PAK1IP1: variants seen among roughly 807,000 people sequenced by gnomAD.
The protein encoded by PAK1IP1 is PAK1 interacting protein 1.
Under a neutral mutation model 42.0 loss-of-function variants are expected in PAK1IP1, and 24 were observed. The observed-to-expected ratio is 0.57, with a 90% CI of 0.41 to 0.80. The LOEUF is 0.80. Among genes scored for constraint, PAK1IP1 ranks in the 30% least tolerant of loss-of-function variants. The pLI, the probability that PAK1IP1 is intolerant of heterozygous loss-of-function variation, is 0.00. For synonymous variants in PAK1IP1, 154 were observed against 156.7 expected (o/e 0.98, Z 0.13); for missense variants, 411 against 467.9 (o/e 0.88, Z 1.12).
chr6:10,701,576 T>C (rs952951559), intron 2 of PAK1IP1, among the ~76,000 whole-genome samples: 1 of 152,058 alleles, frequency 6.6e-6, no homozygotes, highest in African/African-American at 2.4e-5. Context: ...AATAGGATAA[T>C]AGGGAGAGGA....
chr6:10,705,711 T>C (rs900705647), intron 7 of PAK1IP1, among the ~76,000 whole-genome samples: 4 of 152,234 alleles, frequency 2.6e-5, no homozygotes, highest in Non-Finnish European at 4.4e-5. Context: ...ATCTGACTCT[T>C]ATATCCCTGC....
Position 10,704,613 on chromosome 6 carries a change from C to G in PAK1IP1, c.603C>G (p.Ile201Met), listed in dbSNP as rs1427729335. Reference protein sequence around the residue: ...QLDTASISGTITNEKRISSVK... With the variant: ...QLDTASISGTMTNEKRISSVK... ...ACACTGCATCCATTAGTGGCACCAT[C>G]ACAAATGAAAAGAGAATTTCCTCTG... is the stretch of plus-strand genomic sequence containing the variant. The change falls in exon 6 of 10, where the codon ATC (isoleucine) becomes ATG (methionine). Residue 201 changes from isoleucine (I) to methionine (M), a missense_variant. Physicochemically the swap from Ile to Met is conservative, Grantham distance 10 (BLOSUM62 1). Transcript: ENST00000379568. The G allele has an allele frequency of 1.9e-6, 3 of 1,610,700 alleles. No individual in the cohort carries two copies. The African/African-American group carries it at 4.0e-5, about 22-fold the overall frequency.
intron 7 of PAK1IP1, among the ~76,000 whole-genome samples, chr6:10,706,060 G>A (rs1352853921): frequency 6.6e-6 from 1 of 152,178 alleles, no homozygotes; most frequent in African/African-American, 2.4e-5. Flanking sequence ...ACAGGAGCTT[G>A]TGCTCTCATG....
rs558254885 is a variant in PAK1IP1, at chr6:10,699,616, C to T, written c.247+2130C>T. Among the ~76,000 whole-genome samples, 30 of 152,178 alleles carry T rather than the reference C, an allele frequency of 2.0e-4. No homozygotes were observed. The South Asian group carries it at 5.8e-3, about 29-fold the overall frequency. On this transcript the variant is annotated intron_variant, in intron 2 of 9. Transcript: ENST00000379568. ...TTTTATGCTGTTTTTGTTGCATTTT[C>T]CCAGGGGACAGAGAATGAGGAGTAA...
At chr6:10,695,162 C>T in intron 1 of PAK1IP1, 93 bp downstream of exon 1, 1 of 749,874 alleles carries the variant, frequency 1.3e-6, no homozygotes, top group Non-Finnish European at 2.3e-6. Context: ...GGAGCGCCTG[C>T]TGTTCACTGG....
In PAK1IP1 at chr6:10,702,552, G is replaced by T; in HGVS notation, c.369-13G>T. On this transcript the variant is annotated splice_polypyrimidine_tract_variant and intron_variant, in intron 3 of 9. Coordinates refer to ENST00000379568, the MANE Select transcript of PAK1IP1 (RefSeq NM_017906.3). The stretch of plus-strand genomic sequence containing the variant: ...CCAGTCAAGTTGGGGACTAACTTTT[G>T]GTTTCATTATAGAGGACAGGTGACC... The T allele has an allele frequency of 6.2e-6, 10 of 1,613,874 alleles. No homozygotes were observed. Among genetic ancestry groups the T allele is most frequent in the Non-Finnish European group, 8.5e-6 (10 of 1,179,906 alleles).
upstream of PAK1IP1, among the ~76,000 whole-genome samples, chr6:10,693,549 G>A (rs777949998): frequency 9.2e-5 from 14 of 152,316 alleles, no homozygotes; most frequent in Non-Finnish European, 1.8e-4. Flanking sequence ...AAGCGCTGAA[G>A]CACTGTATCG....
chr6:10,699,122 C>T (rs569132281), intron 2 of PAK1IP1, among the ~76,000 whole-genome samples: 2 of 150,088 alleles, frequency 1.3e-5, no homozygotes, highest in Non-Finnish European at 3.0e-5. Context: ...ATCGCTTGAA[C>T]CTGGGGAGGC....
chr6:10,703,493 C>T (rs1770102095), intron 5 of PAK1IP1, 36 bp downstream of exon 5: 1 of 1,457,114 alleles, frequency 6.9e-7, no homozygotes, highest in African/African-American at 1.4e-5. Context: ...GTTGAGCATT[C>T]CTAATCTGGA....
At chr6:10,701,134 G>C (rs1003979143) in intron 2 of PAK1IP1, among the ~76,000 whole-genome samples, 1 of 152,136 alleles carries the variant, frequency 6.6e-6, no homozygotes, top group Non-Finnish European at 1.5e-5. Context: ...CTGGAGTGCA[G>C]TGGCAGAGCT....
chr6:10,693,460 G>A (rs1041510672), upstream of PAK1IP1, among the ~76,000 whole-genome samples: 12 of 152,334 alleles, frequency 7.9e-5, no homozygotes, highest in Non-Finnish European at 1.0e-4. Context: ...ATTTCTGCAA[G>A]ACCCAAACTA....
chr6:10,694,963 G>T (rs1161834422), upstream of PAK1IP1: 1 of 1,565,158 alleles, frequency 6.4e-7, no homozygotes, highest in Admixed American at 1.7e-5. Context: ...CCGGGCTGGC[G>T]GAAGAGGCAC....
In PAK1IP1 at chr6:10,704,460, A is replaced by G. The variant is rs144148084; in HGVS notation, c.497-47A>G. The G allele has an allele frequency of 1.3e-3, 1,433 of 1,120,292 alleles. 15 individuals carry two copies. The African/African-American group carries it at 0.02, about 16-fold the overall frequency. The allele number at this position is 1,120,292 out of a possible 1,614,324, so 69.4% of individuals were successfully genotyped here. ...CTATTTTTATTACTATGATCATTTTATGTTTTATTTACAAAATAAATAAAC... is the reference window on the plus strand; with the variant it reads ...CTATTTTTATTACTATGATCATTTTGTGTTTTATTTACAAAATAAATAAAC... On this transcript the variant is annotated intron_variant, in intron 5 of 9. Coordinates refer to ENST00000379568, the MANE Select transcript of PAK1IP1 (RefSeq NM_017906.3).
Position 10,709,531 on chromosome 6 carries a change from G to A in PAK1IP1, c.*79G>A. 2.3e-6 allele frequency: 2 copies of A among 853,826 alleles called. No homozygotes were observed. Among genetic ancestry groups the A allele is most frequent in the South Asian group, 3.4e-5 (1 of 29,630 alleles). 52.9% of individuals were successfully genotyped at this position (853,826 alleles called of 1,614,324 possible). On this transcript the variant is annotated 3_prime_UTR_variant, in exon 10 of 10. Transcript: ENST00000379568. ...GTACCTTAATTTTTTTTTTTTCCCTGAGTAAAAGCAAGAAATTTCTTCCTT... is the reference window on the plus strand; with the variant it reads ...GTACCTTAATTTTTTTTTTTTCCCTAAGTAAAAGCAAGAAATTTCTTCCTT...
At chr6:10,693,983 G>C (rs992415459), upstream of PAK1IP1, among the ~76,000 whole-genome samples, 6 of 152,186 alleles carry the variant, frequency 3.9e-5, no homozygotes, top group African/African-American at 1.2e-4. Flanking sequence ...CTCTGGCCGG[G>C]CGCTGTGGCT....
chr6:10,699,636 G>C (rs57693904), intron 2 of PAK1IP1, among the ~76,000 whole-genome samples: 5,129 of 152,194 alleles, frequency 0.034, 271 homozygotes, highest in African/African-American at 0.11. Context: ...AGAGAATGAG[G>C]AGTAACTCAG....
chr6:10,694,891 AAG>A (rs1769733872), upstream of PAK1IP1: 1 of 837,804 alleles, frequency 1.2e-6, no homozygotes, highest in East Asian at 2.4e-5. Flanking sequence ...CCGATGCAGA[AAG>A]GAGTCAGGTG....
intron 1 of PAK1IP1, among the ~76,000 whole-genome samples, chr6:10,696,625 C>G (rs769368170): frequency 1.3e-3 from 193 of 152,298 alleles, no homozygotes; most frequent in Middle Eastern, 3.4e-3. Context: ...TGGAAACATA[C>G]CTTTACTCTG....
At chr6:10,691,798 C>G (rs2127473523), upstream of PAK1IP1, among the ~76,000 whole-genome samples, 1 of 152,244 alleles carries the variant, frequency 6.6e-6, no homozygotes, top group Non-Finnish European at 1.5e-5. Context: ...GTCCTCTGAG[C>G]TCTGTAATTG....
Sources: allele counts gnomAD v4.1 joint callset (sites outside exome capture counted in the v4.1 genomes callset), GRCh38; gene constraint gnomAD v4.1.1; transcripts MANE v1.5; gene names NCBI Gene and HGNC (gene_info 2026-07-23, HGNC 2026-07-21).